The following PDK4 variants were observed in gnomAD, a reference collection of about 807,000 sequenced individuals.
The protein encoded by PDK4 is pyruvate dehydrogenase kinase, isozyme 4.
PDK4 carries 43 observed loss-of-function variants against 51.7 expected under a neutral mutation model. The observed-to-expected ratio is 0.83, with a 90% CI of 0.65 to 1.07. PDK4 has a LOEUF of 1.07. Among genes scored for constraint, PDK4 ranks in the 50% least tolerant of loss-of-function variants. The pLI is 0.00. For synonymous variants in PDK4, 170 were observed against 176.6 expected, an observed-to-expected ratio of 0.96 and a Z score of 0.30; for missense variants, 498 against 503.5, an observed-to-expected ratio of 0.99 and a Z score of 0.10.
chr7:95,594,502 T>C (rs1378510110), intron 2 of PDK4, among the ~76,000 whole-genome samples: 2 of 152,034 alleles, frequency 1.3e-5, no homozygotes, highest in Admixed American at 6.6e-5. Flanking sequence ...TATACTTTAA[T>C]CTCTTTAATA....
In PDK4 at chr7:95,584,851, C is replaced by A. The variant is rs1791459346; in HGVS notation, c.*790G>T. The A allele has an allele frequency of 6.6e-6, 1 of 152,644 alleles. No homozygotes were observed. Among genetic ancestry groups the A allele is most frequent in the Non-Finnish European group, 1.5e-5 (1 of 68,042 alleles). 9.5% of individuals were successfully genotyped at this position (152,644 alleles called of 1,614,324 possible). A position where few individuals can be genotyped will look rare whatever the true frequency, so the allele number is the denominator to read the frequency against. Reference sequence around the variant, plus strand: ...TGCTGTTACTTTGGCAATTCTCTCTCTCCAATCCCCAACATCCCGAGTTCA... The same window carrying A: ...TGCTGTTACTTTGGCAATTCTCTCTATCCAATCCCCAACATCCCGAGTTCA... On this transcript the variant is annotated 3_prime_UTR_variant, in exon 11 of 11. Coordinates refer to ENST00000005178, the MANE Select transcript of PDK4 (RefSeq NM_002612.4).
rs779314535 is a variant in PDK4 at position 95,587,433 on chromosome 7, G to A, written c.966C>T (p.Ser322=). The change falls in exon 9 of 11, where the codon TCC becomes TCT. Residue 322 remains serine, a synonymous_variant. Coordinates refer to ENST00000005178, the MANE Select transcript of PDK4 (RefSeq NM_002612.4). ...STAPTPVMDN[S]RNAPLAGFGY... ...TTGTTCTTACCAAAGGAGCATTCCG[G>A]GAATTATCCATCACAGGCGTTGGTG... 6.3e-7 allele frequency: 1 copy of A among 1,598,240 alleles called. No homozygotes were observed. Among genetic ancestry groups the A allele is most frequent in the South Asian group, 1.1e-5 (1 of 90,750 alleles).
chr7:95,593,453 A>G (rs1435848619), intron 3 of PDK4, among the ~76,000 whole-genome samples: 1 of 152,148 alleles, frequency 6.6e-6, no homozygotes, highest in East Asian at 1.9e-4. Context: ...GAGTAAATTT[A>G]TAGTAAAAAT....
chr7:95,596,136 C>T, intron 1 of PDK4, 28 bp downstream of exon 1: 1 of 1,589,288 alleles, frequency 6.3e-7, no homozygotes, highest in Non-Finnish European at 8.6e-7. Context: ...ACCCTAGGAC[C>T]CAGCTTGGGC....
At chr7:95,593,000 C>G (rs560709844) in intron 3 of PDK4, 56 bp from the exon 4 acceptor site, 1 of 1,218,448 alleles carries the variant, frequency 8.2e-7, no homozygotes, top group Non-Finnish European at 1.1e-6. Context: ...TTCACTTATA[C>G]TCCTAAGGTT....
intron 1 of PDK4, among the ~76,000 whole-genome samples, chr7:95,595,406 T>A (rs1317218560): frequency 6.6e-6 from 1 of 152,220 alleles, no homozygotes; most frequent in Non-Finnish European, 1.5e-5. Context: ...TATTGTCTTC[T>A]CTTTTTGAAG....
chr7:95,587,286 A>G lies in PDK4; in HGVS notation c.981+132T>C, dbSNP rs533559804. 20 of 728,856 alleles carry G rather than the reference A, an allele frequency of 2.7e-5. No individual in the cohort carries two copies. The African/African-American group carries it at 3.0e-4, about 11-fold the overall frequency. 45.1% of individuals were successfully genotyped at this position (728,856 alleles called of 1,614,324 possible). On this transcript the variant is annotated intron_variant, in intron 9 of 10. Transcript: ENST00000005178. Reference sequence around the variant, plus strand: ...TGTTTCACCATTTTTAGCTTGCTTTATCATTCATTCTTATATCCTTCATGT... The same window carrying G: ...TGTTTCACCATTTTTAGCTTGCTTTGTCATTCATTCTTATATCCTTCATGT...
chr7:95,596,139 G>A (rs1269599400), intron 1 of PDK4, 25 bp downstream of exon 1: 3 of 1,593,082 alleles, frequency 1.9e-6, no homozygotes, highest in South Asian at 2.2e-5. Flanking sequence ...CTAGGACCCA[G>A]CTTGGGCCCT....
intron 7 of PDK4, among the ~76,000 whole-genome samples, chr7:95,588,214 G>GA (rs1791511362): frequency 6.6e-6 from 1 of 152,118 alleles, no homozygotes; most frequent in Non-Finnish European, 1.5e-5. Context: ...AATGAACAGT[G>GA]AAATCATTGA....
intron 4 of PDK4, 52 bp downstream of exon 4, chr7:95,592,708 C>T: frequency 6.9e-7 from 1 of 1,458,332 alleles, no homozygotes; most frequent in Non-Finnish European, 9.6e-7. Flanking sequence ...TATAGTATGG[C>T]TTATATTCTA....
intron 6 of PDK4, 50 bp downstream of exon 6, chr7:95,591,938 G>C: frequency 1.1e-6 from 1 of 921,552 alleles, no homozygotes; most frequent in Non-Finnish European, 1.7e-6. Context: ...ATAATATTAG[G>C]AGAACACAGA....
rs768268013 is a variant in PDK4, at chr7:95,585,750, G to A, written c.1127C>T (p.Pro376Leu). The A allele has an allele frequency of 6.3e-7, 1 of 1,598,942 alleles. No homozygotes were observed. Among genetic ancestry groups the A allele is most frequent in the South Asian group, 1.1e-5 (1 of 89,484 alleles). ...TTTGAAGGCTGACTTGTTAAAAACTGGAAGTTTTTCTATAGACTCAGAAGA... is the reference window on the plus strand; with the variant it reads ...TTTGAAGGCTGACTTGTTAAAAACTAGAAGTTTTTCTATAGACTCAGAAGA... ...ALSSESIEKLPVFNKSAFKHY... is the reference protein window; with the variant it reads ...ALSSESIEKLLVFNKSAFKHY... Residue 376 changes from proline to leucine, a missense_variant, in exon 11 of 11, where the codon CCA (proline) becomes CTA (leucine). Transcript: ENST00000005178.
intron 6 of PDK4, 94 bp from the exon 7 acceptor site, chr7:95,589,810 G>C: frequency 2.7e-6 from 2 of 739,178 alleles, no homozygotes; most frequent in Non-Finnish European, 2.4e-6. Context: ...ACTTCAAGAG[G>C]GTTGGCATAT....
At chr7:95,592,656 T>C in intron 4 of PDK4, 59 bp from the exon 5 acceptor site, 3 of 1,390,644 alleles carry the variant, frequency 2.2e-6, no homozygotes, top group East Asian at 4.6e-5. Context: ...TGATTAGTAC[T>C]ATCACTGAGA....
chr7:95,587,344 T>G, intron 9 of PDK4, 74 bp downstream of exon 9: 5 of 932,246 alleles, frequency 5.4e-6, no homozygotes, highest in Non-Finnish European at 8.8e-6. Flanking sequence ...CTTGTCTAAA[T>G]AATCCCTTGC....
chr7:95,583,575 T>A lies in PDK4; in HGVS notation c.*2066A>T, dbSNP rs187383231. ...ACATAGCATAAAGACAAAAACACAA[T>A]GTATACATTAATAATTTAAGTGGGC... On this transcript the variant is annotated 3_prime_UTR_variant, in exon 11 of 11. Coordinates refer to ENST00000005178, the MANE Select transcript of PDK4 (RefSeq NM_002612.4). 4.5e-4 allele frequency: 69 copies of A among 152,420 alleles called. No homozygotes were observed. Among genetic ancestry groups the A allele is most frequent in the African/African-American group, 1.5e-3 (63 of 41,578 alleles). The allele number at this position is 152,420 out of a possible 1,614,324, so 9.4% of individuals were successfully genotyped here. A position where few individuals can be genotyped will look rare whatever the true frequency, so the allele number is the denominator to read the frequency against.
intron 7 of PDK4, among the ~76,000 whole-genome samples, chr7:95,589,371 G>GA (rs1333847431): frequency 6.6e-6 from 1 of 152,118 alleles, no homozygotes; most frequent in Non-Finnish European, 1.5e-5. Context: ...ATGGGCACCT[G>GA]AAAAAATAAT....
chr7:95,591,111 T>C (rs1196034068), intron 6 of PDK4, among the ~76,000 whole-genome samples: 1 of 152,102 alleles, frequency 6.6e-6, no homozygotes, highest in African/African-American at 2.4e-5. Flanking sequence ...CTAATTTTTA[T>C]TTTTTGTAGA....
Position 95,596,177 on chromosome 7 carries a change from C to T in PDK4, c.117G>A (p.Gln39=). 6.2e-7 allele frequency: 1 copy of T among 1,603,656 alleles called. No individual in the cohort carries two copies. Among genetic ancestry groups the T allele is most frequent in the Non-Finnish European group, 8.5e-7 (1 of 1,175,438 alleles). The part of the protein sequence containing the change: ...RYSPSPLSMK[Q]LLDFGSENAC... The stretch of plus-strand genomic sequence containing the variant: ...GTCCCCTCTCACCAAAGTCCAGTAG[C>T]TGCTTCATGGACAGCGGGGACGGGC... The change falls in exon 1 of 11, where the codon CAG becomes CAA. Residue 39 remains glutamine, a synonymous_variant. Coordinates refer to ENST00000005178, the MANE Select transcript of PDK4 (RefSeq NM_002612.4).
Sources: gnomAD v4.1 joint callset for allele counts (sites outside exome capture counted in the v4.1 genomes callset) on GRCh38, gnomAD v4.1.1 for gene constraint, MANE v1.5 for transcripts, NCBI Gene and HGNC (gene_info 2026-07-23, HGNC 2026-07-21) for gene names.